Variants in SCHIP1 observed in about 807,000 individuals in gnomAD.
SCHIP1 encodes the protein schwannomin-interacting protein 1.
Under a neutral mutation model 29.7 loss-of-function variants are expected in SCHIP1, and 8 were observed. The ratio of observed to expected loss-of-function variants is 0.27; its 90% CI spans 0.16 to 0.49. The LOEUF is 0.49. SCHIP1 is among the 20% of genes least tolerant of loss of function. The pLI, the probability that SCHIP1 is intolerant of heterozygous loss-of-function variation, is 0.99. For synonymous variants in SCHIP1, 76 were observed against 94.9 expected (o/e 0.80, Z 1.16); for missense variants, 193 against 294.6 (o/e 0.66, Z 2.52).
chr3:159,541,873 A>C, the SCHIP1 span, among the ~76,000 whole-genome samples: 1 of 152,100 alleles, frequency 6.6e-6, no homozygotes, highest in Non-Finnish European at 1.5e-5. Flanking sequence ...AATCAGAAAT[A>C]ATAAAGTTTA....
chr3:159,748,425 A>G, the SCHIP1 span, among the ~76,000 whole-genome samples: 8 of 152,254 alleles, frequency 5.3e-5, no homozygotes, highest in African/African-American at 1.7e-4. Flanking sequence ...AAAGAATTAT[A>G]TAAGAAGTAG....
the SCHIP1 span, among the ~76,000 whole-genome samples, chr3:159,443,904 T>C: frequency 2.6e-5 from 4 of 152,334 alleles, no homozygotes; most frequent in Admixed American, 2.6e-4. Flanking sequence ...GGCCAGTTTC[T>C]GTATCTATGA....
the SCHIP1 span, among the ~76,000 whole-genome samples, chr3:159,715,369 A>T: frequency 6.6e-6 from 1 of 152,250 alleles, no homozygotes; most frequent in Non-Finnish European, 1.5e-5. Flanking sequence ...GCTCCTCAGC[A>T]GCAACAGAAC....
At chr3:159,404,477 G>T in the SCHIP1 span, among the ~76,000 whole-genome samples, 16 of 152,284 alleles carry the variant, frequency 1.1e-4, no homozygotes, top group African/African-American at 3.8e-4. Context: ...GACCTTGAAT[G>T]AACTTCAGTA....
chr3:159,588,336 A>G, the SCHIP1 span, among the ~76,000 whole-genome samples: 39 of 151,880 alleles, frequency 2.6e-4, no homozygotes, highest in African/African-American at 8.7e-4. Flanking sequence ...TTGTAAATTT[A>G]TTTGAGTTCT....
At chr3:159,759,559 G>A in the SCHIP1 span, among the ~76,000 whole-genome samples, 1 of 152,124 alleles carries the variant, frequency 6.6e-6, no homozygotes, top group African/African-American at 2.4e-5. Context: ...AAGTGTCTGG[G>A]CTCCTTCATG....
intron 2 of SCHIP1, among the ~76,000 whole-genome samples, chr3:159,883,835 CTAA>C (rs1022617576): frequency 2.6e-5 from 4 of 152,032 alleles, no homozygotes; most frequent in Non-Finnish European, 5.9e-5. Flanking sequence ...ACGCAGACTA[CTAA>C]ATCTCCCCCA....
the SCHIP1 span, among the ~76,000 whole-genome samples, chr3:159,295,608 C>T: frequency 1.8e-4 from 28 of 152,268 alleles, no homozygotes; most frequent in African/African-American, 6.3e-4. Flanking sequence ...CTATAGAGTC[C>T]TTCCTCCCAT....
the SCHIP1 span, among the ~76,000 whole-genome samples, chr3:159,407,223 C>G: frequency 6.6e-6 from 1 of 152,036 alleles, no homozygotes; most frequent in African/African-American, 2.4e-5. Context: ...AAACCAAAAA[C>G]AGCAGTAGTA....
chr3:159,554,026 ATGTGTG>A, the SCHIP1 span, among the ~76,000 whole-genome samples: 39 of 114,150 alleles, frequency 3.4e-4, no homozygotes, highest in Admixed American at 7.7e-4. Context: ...GTGTTTGTGT[ATGTGTG>A]TGTGTGTGTG....
the SCHIP1 span, among the ~76,000 whole-genome samples, chr3:159,807,300 G>C: frequency 2.4e-3 from 360 of 152,222 alleles, 1 homozygote; most frequent in African/African-American, 8.3e-3. Flanking sequence ...GATGGAAGAG[G>C]CTCCACGCTG....
chr3:159,559,686 A>G, the SCHIP1 span, among the ~76,000 whole-genome samples: 1 of 152,154 alleles, frequency 6.6e-6, no homozygotes, highest in African/African-American at 2.4e-5. Flanking sequence ...ATTACATTAG[A>G]TTCTCTCTAG....
At chr3:159,727,718 C>T in the SCHIP1 span, among the ~76,000 whole-genome samples, 1 of 152,162 alleles carries the variant, frequency 6.6e-6, no homozygotes, top group Non-Finnish European at 1.5e-5. Context: ...GTGTAGCCAA[C>T]ACACAGGGAA....
chr3:159,505,237 A>G, the SCHIP1 span, among the ~76,000 whole-genome samples: 1 of 152,198 alleles, frequency 6.6e-6, no homozygotes, highest in African/African-American at 2.4e-5. Flanking sequence ...GAATAAGTCA[A>G]TGTACGTCAG....
chr3:159,634,928 A>G, the SCHIP1 span, among the ~76,000 whole-genome samples: 1 of 152,206 alleles, frequency 6.6e-6, no homozygotes, highest in African/African-American at 2.4e-5. Context: ...GTGGCAAACA[A>G]AGCAACTAAA....
the SCHIP1 span, among the ~76,000 whole-genome samples, chr3:159,826,935 C>A: frequency 6.6e-6 from 1 of 152,118 alleles, no homozygotes; most frequent in Non-Finnish European, 1.5e-5. Flanking sequence ...ATGGTTTAAC[C>A]CTTCTCATTG....
At chr3:159,668,990 CT>C in the SCHIP1 span, among the ~76,000 whole-genome samples, 2 of 152,102 alleles carry the variant, frequency 1.3e-5, no homozygotes, top group Non-Finnish European at 2.9e-5. Context: ...CCCTCAGGCC[CT>C]TTTCCCCTAG....
chr3:159,423,551 T>C, the SCHIP1 span, among the ~76,000 whole-genome samples: 2 of 152,204 alleles, frequency 1.3e-5, no homozygotes, highest in East Asian at 1.9e-4. Context: ...ACAAAGCAGC[T>C]GGGAAGCTCA....
At chr3:159,654,830 C>T in the SCHIP1 span, among the ~76,000 whole-genome samples, 159 of 148,634 alleles carry the variant, frequency 1.1e-3, no homozygotes, top group Middle Eastern at 0.022. Flanking sequence ...AAAAAATCCT[C>T]ACAAACCATG....
Sources: allele counts gnomAD v4.1 joint callset (sites outside exome capture counted in the v4.1 genomes callset), GRCh38; gene constraint gnomAD v4.1.1; transcripts MANE v1.5; gene names NCBI Gene and HGNC (gene_info 2026-07-23, HGNC 2026-07-21).